PAPSS1: variants seen among roughly 807,000 people sequenced by gnomAD.
PAPSS1 encodes 3'-phosphoadenosine 5'-phosphosulfate synthase 1.
Under a neutral mutation model 72.0 loss-of-function variants are expected in PAPSS1, and 50 were observed. The observed-to-expected ratio is 0.69, with a 90% CI of 0.55 to 0.88. The LOEUF (loss-of-function observed/expected upper bound fraction) is 0.88. Among genes scored for constraint, PAPSS1 ranks in the 40% least tolerant of loss-of-function variants. The pLI, the probability that PAPSS1 is intolerant of heterozygous loss-of-function variation, is 0.00. For synonymous variants in PAPSS1, 261 were observed against 263.6 expected (o/e 0.99, Z 0.09); for missense variants, 657 against 782.2 (o/e 0.84, Z 1.91).
intron 1 of PAPSS1, among the ~76,000 whole-genome samples, chr4:107,719,431 T>A (rs1250899730): frequency 6.6e-6 from 1 of 152,190 alleles, no homozygotes; most frequent in Non-Finnish European, 1.5e-5. Context: ...CAAAGTCAAC[T>A]GGCAGTCATT....
chr4:107,718,060 C>A (rs569677089), intron 1 of PAPSS1, among the ~76,000 whole-genome samples: 1 of 152,280 alleles, frequency 6.6e-6, no homozygotes, highest in East Asian at 1.9e-4. Context: ...CTGGGTCCTA[C>A]CAGGGTCTAC....
chr4:107,618,472 CAGG>C (rs1161581905), intron 11 of PAPSS1, among the ~76,000 whole-genome samples: 1 of 150,272 alleles, frequency 6.7e-6, no homozygotes, highest in Non-Finnish European at 1.5e-5. Context: ...GGATGAGTGC[CAGG>C]AGAAGAAACA....
intron 3 of PAPSS1, among the ~76,000 whole-genome samples, chr4:107,689,754 A>G (rs1722869753): frequency 6.6e-6 from 1 of 152,162 alleles, no homozygotes. Flanking sequence ...CAACTTTCCT[A>G]AACTCTAAAA....
intron 11 of PAPSS1, among the ~76,000 whole-genome samples, chr4:107,629,857 G>A (rs1346219527): frequency 3.3e-5 from 5 of 152,096 alleles, no homozygotes; most frequent in East Asian, 1.9e-4. Flanking sequence ...GTGGAAAAAC[G>A]CCCAGGAAAG....
intron 5 of PAPSS1, among the ~76,000 whole-genome samples, chr4:107,668,287 A>C (rs1727374089): frequency 6.6e-6 from 1 of 152,218 alleles, no homozygotes; most frequent in South Asian, 2.1e-4. Context: ...TCTCAATTTC[A>C]ATGTAAATTA....
Position 107,617,911 on chromosome 4 carries a change from T to C in PAPSS1, c.1737-3524A>G, listed in dbSNP as rs536558350. 9.9e-5 allele frequency among the ~76,000 whole-genome samples: 15 copies of C among 152,264 alleles called. No homozygotes were observed. In the East Asian group the frequency reaches 2.5e-3, roughly 25 times the overall value. On this transcript the variant is annotated intron_variant, in intron 11 of 11. Coordinates refer to ENST00000265174, the MANE Select transcript of PAPSS1 (RefSeq NM_005443.5). ...CTATAGTTCAAAATAAAGTAAACTA[T>C]CATCTTTATATTACATAAAGGACTA...
At chr4:107,650,989 G>A (rs1031524801) in intron 9 of PAPSS1, among the ~76,000 whole-genome samples, 1 of 152,050 alleles carries the variant, frequency 6.6e-6, no homozygotes, top group African/African-American at 2.4e-5. Context: ...AAAAAGAGTG[G>A]GGCATCATTA....
At chr4:107,703,321 T>C (rs1183890113) in intron 1 of PAPSS1, among the ~76,000 whole-genome samples, 1 of 152,124 alleles carries the variant, frequency 6.6e-6, no homozygotes, top group Admixed American at 6.5e-5. Context: ...TTCACTCTGT[T>C]GATTGCACCC....
chr4:107,653,767 T>C (rs979527115), intron 8 of PAPSS1, 141 bp from the exon 9 acceptor site: 5 of 531,852 alleles, frequency 9.4e-6, no homozygotes, highest in Non-Finnish European at 1.5e-5. Flanking sequence ...TAAATTGACA[T>C]TAGAGATGCT....
chr4:107,696,781 G>A (rs972538231), intron 2 of PAPSS1, among the ~76,000 whole-genome samples: 15 of 152,054 alleles, frequency 9.9e-5, no homozygotes, highest in African/African-American at 3.6e-4. Context: ...TGAGAGCATC[G>A]ATACAGTGTC....
chr4:107,719,786 C>G lies in PAPSS1; in HGVS notation c.60+334G>C, dbSNP rs1037500711. The G allele has an allele frequency of 1.0e-5, 12 of 1,173,936 alleles. 1 individual carries two copies. The East Asian group carries it at 6.6e-4, about 64-fold the overall frequency. 72.7% of individuals were successfully genotyped at this position (1,173,936 alleles called of 1,614,324 possible). A position where few individuals can be genotyped will look rare whatever the true frequency, so the allele number is the denominator to read the frequency against. On this transcript the variant is annotated intron_variant, in intron 1 of 11. Transcript: ENST00000265174. ...GTTTCTGCAGCCGCAGGTTTCAGCA[C>G]CCGGAGGTTTCAGCAAGCGCCAGTT...
At chr4:107,699,011 C>T (rs891867615) in intron 2 of PAPSS1, among the ~76,000 whole-genome samples, 18 of 151,954 alleles carry the variant, frequency 1.2e-4, no homozygotes, top group African/African-American at 3.9e-4. Context: ...AGGGTGGGGG[C>T]AAGGTGATGA....
chr4:107,718,335 A>C (rs2726207), intron 1 of PAPSS1: 43,463 of 152,036 alleles, frequency 0.29, 6,916 homozygotes, highest in East Asian at 0.46. Context: ...TCCCTATTGA[A>C]CCTTACCTCC....
intron 10 of PAPSS1, among the ~76,000 whole-genome samples, chr4:107,633,316 T>C (rs1481584675): frequency 6.6e-6 from 1 of 152,226 alleles, no homozygotes; most frequent in East Asian, 1.9e-4. Flanking sequence ...ATGAAACATG[T>C]GAGGTCTTAG....
intron 10 of PAPSS1, among the ~76,000 whole-genome samples, chr4:107,633,125 G>A (rs1726265129): frequency 6.6e-6 from 1 of 152,146 alleles, no homozygotes; most frequent in Non-Finnish European, 1.5e-5. Flanking sequence ...ATTTTACATA[G>A]TATATAACAT....
intron 11 of PAPSS1, among the ~76,000 whole-genome samples, chr4:107,631,370 G>A (rs1726220948): frequency 6.6e-6 from 1 of 152,194 alleles, no homozygotes; most frequent in Non-Finnish European, 1.5e-5. Context: ...GTAAGCTATA[G>A]CAGACACAGT....
rs545177678 is a variant in PAPSS1 at position 107,676,505 on chromosome 4, C to T, written c.669+5510G>A. Among the ~76,000 whole-genome samples, 4 of 152,230 alleles carry T rather than the reference C, an allele frequency of 2.6e-5. No individual in the cohort carries two copies. In the South Asian group the frequency reaches 8.3e-4, roughly 32 times the overall value. On this transcript the variant is annotated intron_variant, in intron 5 of 11. Coordinates refer to ENST00000265174, the MANE Select transcript of PAPSS1 (RefSeq NM_005443.5). Reference sequence around the variant, plus strand: ...ATGTGAAAGACCTCTTCAAGGAGAACTATAAACCACTGCTCAATGAAATAA... The same window carrying T: ...ATGTGAAAGACCTCTTCAAGGAGAATTATAAACCACTGCTCAATGAAATAA...
At chr4:107,643,957 C>G (rs145658150) in intron 10 of PAPSS1, among the ~76,000 whole-genome samples, 1 of 152,050 alleles carries the variant, frequency 6.6e-6, no homozygotes, top group Non-Finnish European at 1.5e-5. Context: ...AACACTTAGT[C>G]CTACCTACAC....
At chr4:107,652,460 A>T (rs1441349020) in intron 9 of PAPSS1, among the ~76,000 whole-genome samples, 1 of 152,198 alleles carries the variant, frequency 6.6e-6, no homozygotes, top group Admixed American at 6.5e-5. Context: ...CCTGTCCTGG[A>T]GTGCTTTATA....
Sources: allele counts gnomAD v4.1 joint callset (sites outside exome capture counted in the v4.1 genomes callset), GRCh38; gene constraint gnomAD v4.1.1; transcripts MANE v1.5; gene names NCBI Gene and HGNC (gene_info 2026-07-23, HGNC 2026-07-21).